SCHIP1: variants seen among roughly 807,000 people sequenced by gnomAD.
The protein encoded by SCHIP1 is schwannomin-interacting protein 1.
SCHIP1 carries 8 observed loss-of-function variants against 29.7 expected under a neutral mutation model. That is an observed-to-expected ratio of 0.27 (90% CI 0.16 to 0.49). The LOEUF (loss-of-function observed/expected upper bound fraction) is 0.49, where lower values mean the gene tolerates loss of function less well. Ranked by LOEUF, SCHIP1 falls within the 20% of genes least tolerant of loss-of-function variation. SCHIP1 has a pLI of 0.99. For missense variants in SCHIP1, 193 were observed against 294.6 expected, an observed-to-expected ratio of 0.66 and a Z score of 2.52; for synonymous variants, 76 against 94.9, an observed-to-expected ratio of 0.80 and a Z score of 1.16.
At chr3:159,580,987 G>T in the SCHIP1 span, among the ~76,000 whole-genome samples, 1 of 152,104 alleles carries the variant, frequency 6.6e-6, no homozygotes, top group Non-Finnish European at 1.5e-5. Context: ...TAGAACTTCA[G>T]TCTACTGCTC....
At chr3:159,747,854 C>T in the SCHIP1 span, among the ~76,000 whole-genome samples, 2 of 152,198 alleles carry the variant, frequency 1.3e-5, no homozygotes, top group African/African-American at 4.8e-5. Context: ...TTTGAGCTTT[C>T]CAACCACATC....
the SCHIP1 span, among the ~76,000 whole-genome samples, chr3:159,748,916 T>C: frequency 3.3e-5 from 5 of 152,212 alleles, no homozygotes; most frequent in African/African-American, 9.6e-5. Flanking sequence ...CTTTATTTTT[T>C]ACAATAGTTA....
the SCHIP1 span, among the ~76,000 whole-genome samples, chr3:159,484,522 AAGTG>A: frequency 6.6e-6 from 1 of 152,168 alleles, no homozygotes; most frequent in Non-Finnish European, 1.5e-5. Context: ...AATCAGAATC[AAGTG>A]AGTATGTCAT....
chr3:159,699,305 A>T, the SCHIP1 span, among the ~76,000 whole-genome samples: 5 of 152,222 alleles, frequency 3.3e-5, no homozygotes, highest in Non-Finnish European at 5.9e-5. Flanking sequence ...GGACTTGTAT[A>T]TGTTAGTAAC....
chr3:159,319,071 G>A, the SCHIP1 span, among the ~76,000 whole-genome samples: 1 of 152,060 alleles, frequency 6.6e-6, no homozygotes, highest in African/African-American at 2.4e-5. Context: ...AGGCATCATT[G>A]GATCTGAATG....
At chr3:159,458,002 T>C in the SCHIP1 span, among the ~76,000 whole-genome samples, 1 of 152,176 alleles carries the variant, frequency 6.6e-6, no homozygotes, top group South Asian at 2.1e-4. Context: ...CAAAAATATA[T>C]TAAACCTCAA....
chr3:159,884,349 CTGTGTGTGTGTGTGTGTG>C (rs10661642), intron 2 of SCHIP1, among the ~76,000 whole-genome samples: 5 of 140,544 alleles, frequency 3.6e-5, no homozygotes, highest in Admixed American at 2.1e-4. Context: ...GTGTCTGTGT[CTGTGTGTGTGTGTGTGTG>C]TGTGTGTGTG....
At chr3:159,395,710 T>A in the SCHIP1 span, among the ~76,000 whole-genome samples, 4,079 of 152,118 alleles carry the variant, frequency 0.027, 72 homozygotes, top group East Asian at 0.11. Context: ...TCTGTTCTTT[T>A]ACATTTGCTG....
At chr3:159,360,401 C>T in the SCHIP1 span, among the ~76,000 whole-genome samples, 4 of 152,164 alleles carry the variant, frequency 2.6e-5, no homozygotes, top group African/African-American at 9.7e-5. Context: ...TCTAATATCC[C>T]AAAGAATTTC....
At chr3:159,288,691 T>C in the SCHIP1 span, among the ~76,000 whole-genome samples, 1 of 152,168 alleles carries the variant, frequency 6.6e-6, no homozygotes. Flanking sequence ...TGAGCCGAGA[T>C]TGCGCCAGCC....
chr3:159,491,647 C>T, the SCHIP1 span, among the ~76,000 whole-genome samples: 1 of 152,262 alleles, frequency 6.6e-6, no homozygotes, highest in African/African-American at 2.4e-5. Flanking sequence ...CTCAAGGAGG[C>T]CTGCCTGCCT....
the SCHIP1 span, among the ~76,000 whole-genome samples, chr3:159,694,153 G>T: frequency 2.6e-5 from 4 of 152,062 alleles, no homozygotes; most frequent in African/African-American, 9.7e-5. Flanking sequence ...CCCTATCTGG[G>T]CTTTCAAATC....
the SCHIP1 span, among the ~76,000 whole-genome samples, chr3:159,740,999 A>C: frequency 1.3e-5 from 2 of 152,000 alleles, no homozygotes; most frequent in Non-Finnish European, 2.9e-5. Context: ...CATCCACCTC[A>C]CCCAACTCCC....
At chr3:159,450,929 C>T in the SCHIP1 span, among the ~76,000 whole-genome samples, 1 of 151,736 alleles carries the variant, frequency 6.6e-6, no homozygotes, top group South Asian at 2.1e-4. Flanking sequence ...CTGCCTCAGC[C>T]TCCTGAGTAG....
the SCHIP1 span, among the ~76,000 whole-genome samples, chr3:159,441,410 A>G: frequency 9.2e-5 from 14 of 152,224 alleles, no homozygotes; most frequent in South Asian, 2.1e-3. Flanking sequence ...TGTCATCCTC[A>G]TTTTATAGGT....
chr3:159,852,650 C>T (rs1230449232), intron 1 of SCHIP1, among the ~76,000 whole-genome samples: 1 of 152,106 alleles, frequency 6.6e-6, no homozygotes, highest in Non-Finnish European at 1.5e-5. Context: ...TTTCTGTTGC[C>T]TATATTAATA....
the SCHIP1 span, among the ~76,000 whole-genome samples, chr3:159,490,833 CAG>C: frequency 2.0e-5 from 3 of 152,054 alleles, no homozygotes; most frequent in African/African-American, 7.2e-5. Context: ...ATTACTTATA[CAG>C]AGAGATGCCA....
At chr3:159,482,093 G>C in the SCHIP1 span, among the ~76,000 whole-genome samples, 2 of 152,102 alleles carry the variant, frequency 1.3e-5, no homozygotes, top group African/African-American at 4.8e-5. Flanking sequence ...ATTTCTACTG[G>C]TGTCAGGCAT....
chr3:159,416,055 G>A, the SCHIP1 span, among the ~76,000 whole-genome samples: 8 of 152,130 alleles, frequency 5.3e-5, no homozygotes, highest in African/African-American at 1.7e-4. Flanking sequence ...TGGCCTCCAG[G>A]ATTTCGCATA....
Sources: allele counts gnomAD v4.1 joint callset (sites outside exome capture counted in the v4.1 genomes callset), GRCh38; gene constraint gnomAD v4.1.1; transcripts MANE v1.5; gene names NCBI Gene and HGNC (gene_info 2026-07-23, HGNC 2026-07-21).